Variants in ERICH1 observed in about 807,000 individuals in gnomAD.
ERICH1 encodes glutamate-rich protein 1.
A neutral mutation model predicts 39.6 loss-of-function variants in ERICH1; 56 were observed. The observed-to-expected ratio is 1.41, with a 90% confidence interval of 1.14 to 1.77. ERICH1 has a LOEUF of 1.77. Among genes scored for constraint, ERICH1 ranks in the 40% most tolerant of loss-of-function variants. The probability of loss-of-function intolerance (pLI) is 0.00; values close to 1 mark genes in which losing one functional copy is unlikely to be tolerated. For synonymous variants in ERICH1, 313 were observed against 223.6 expected (o/e 1.40, Z -3.57); for missense variants, 826 against 575.4 (o/e 1.44, Z -4.45).
chr8:640,759 C>T (rs946585904), intron 3 of ERICH1: 3 of 152,186 alleles, frequency 2.0e-5, no homozygotes, highest in Non-Finnish European at 4.4e-5. Context: ...GGGGATGGAC[C>T]TGGAATACTT....
At chr8:678,189 G>A (rs913452602) in intron 3 of ERICH1, among the ~76,000 whole-genome samples, 7 of 151,814 alleles carry the variant, frequency 4.6e-5, no homozygotes, top group African/African-American at 1.7e-4. Flanking sequence ...TTCTCAGGAT[G>A]CTCCCTGCAG....
At chr8:681,705 G>A (rs1007140283) in intron 3 of ERICH1, among the ~76,000 whole-genome samples, 25 of 152,256 alleles carry the variant, frequency 1.6e-4, no homozygotes, top group African/African-American at 6.0e-4. Context: ...GTGCTGTTAG[G>A]TTTCCTGCCA....
chr8:718,530 CTT>C (rs374353712), intron 1 of ERICH1, among the ~76,000 whole-genome samples: 236 of 152,282 alleles, frequency 1.5e-3, no homozygotes, highest in African/African-American at 5.5e-3. Context: ...CATTTCGAAT[CTT>C]TATAAAAATT....
chr8:711,458 T>C (rs1306727885), intron 2 of ERICH1, among the ~76,000 whole-genome samples: 2 of 152,144 alleles, frequency 1.3e-5, no homozygotes, highest in African/African-American at 2.4e-5. Context: ...CAAGTAATCT[T>C]CTAACCGTTT....
downstream of ERICH1, among the ~76,000 whole-genome samples, chr8:660,758 C>A (rs1157644315): frequency 1.3e-5 from 2 of 152,214 alleles, no homozygotes; most frequent in Admixed American, 6.5e-5. Flanking sequence ...TGGGACACAG[C>A]CTGCCTGGGC....
chr8:708,193 G>A (rs1813739471), intron 2 of ERICH1, among the ~76,000 whole-genome samples: 1 of 152,192 alleles, frequency 6.6e-6, no homozygotes, highest in African/African-American at 2.4e-5. Flanking sequence ...TGGTGGACAT[G>A]TAATATGGTT....
intron 3 of ERICH1, chr8:616,272 C>A: frequency 3.3e-6 from 1 of 300,646 alleles, no homozygotes; most frequent in South Asian, 2.8e-5. Context: ...ATCTTTGTAA[C>A]GTTGCATTTT....
chr8:711,501 CT>C (rs1353584492), intron 2 of ERICH1, among the ~76,000 whole-genome samples: 1,814 of 141,996 alleles, frequency 0.013, 18 homozygotes, highest in African/African-American at 0.035. Flanking sequence ...GGTGTAAGAT[CT>C]TTTTTTTTTT....
At chr8:681,954 C>T (rs967833598) in intron 3 of ERICH1, among the ~76,000 whole-genome samples, 2 of 152,242 alleles carry the variant, frequency 1.3e-5, no homozygotes, top group African/African-American at 2.4e-5. Context: ...CCCTGTCTGC[C>T]TTCATTAAGA....
At chr8:631,556 G>A (rs1304756475) in intron 3 of ERICH1, among the ~76,000 whole-genome samples, 1 of 152,190 alleles carries the variant, frequency 6.6e-6, no homozygotes. Flanking sequence ...GGTGTGTCCT[G>A]AGAATTTCGG....
intron 2 of ERICH1, among the ~76,000 whole-genome samples, chr8:697,175 C>T (rs1810513118): frequency 6.6e-6 from 1 of 152,186 alleles, no homozygotes; most frequent in Admixed American, 6.5e-5. Context: ...AGCGAACTCT[C>T]GTGGCCTCTT....
chr8:705,105 TGTGAA>T (rs1191468597), intron 2 of ERICH1, among the ~76,000 whole-genome samples: 28 of 152,370 alleles, frequency 1.8e-4, no homozygotes, highest in African/African-American at 6.3e-4. Context: ...AAACAGATCG[TGTGAA>T]GTGAACAAAT....
chr8:616,725 G>A (rs1436529676), intron 3 of ERICH1: 1 of 395,038 alleles, frequency 2.5e-6, no homozygotes, highest in African/African-American at 2.2e-5. Flanking sequence ...GACACTCAGA[G>A]AGATAGGGAA....
chr8:708,748 C>T (rs908214324), intron 2 of ERICH1, among the ~76,000 whole-genome samples: 1 of 126,154 alleles, frequency 7.9e-6, no homozygotes, highest in Non-Finnish European at 1.6e-5. Flanking sequence ...GGCTGGAGTG[C>T]AGTGGCACAG....
chr8:614,982 C>T (rs1401763986), exon 4 of ERICH1: 2 of 389,764 alleles, frequency 5.1e-6, no homozygotes, highest in Non-Finnish European at 9.1e-6. Flanking sequence ...AGGCTCACCT[C>T]AGCCAGTCAA....
chr8:637,766 G>T (rs1798556129), intron 3 of ERICH1, among the ~76,000 whole-genome samples: 1 of 152,248 alleles, frequency 6.6e-6, no homozygotes, highest in African/African-American at 2.4e-5. Flanking sequence ...AGCCACGGCT[G>T]CTCAGTTGGG....
In ERICH1 at chr8:726,669, A is replaced by T. The variant is rs535858430; in HGVS notation, c.22+4471T>A. Among the ~76,000 whole-genome samples, 575 of 151,056 alleles carry T rather than the reference A, an allele frequency of 3.8e-3. 4 individuals carry two copies. Among genetic ancestry groups the T allele is most frequent in the African/African-American group, 0.013 (541 of 40,614 alleles). ...ACATGTACACAAGTGCCACACACAG[A>T]CGTGTACACAGGCACATCATACACA... is the stretch of plus-strand genomic sequence containing the variant. On this transcript the variant is annotated intron_variant, in intron 1 of 5. Coordinates refer to ENST00000262109, the MANE Select transcript of ERICH1 (RefSeq NM_207332.3).
intron 2 of ERICH1, among the ~76,000 whole-genome samples, chr8:694,419 C>G (rs1040790985): frequency 6.6e-6 from 1 of 152,304 alleles, no homozygotes; most frequent in South Asian, 2.1e-4. Context: ...TTAAACAGAA[C>G]TTAGAAATGT....
chr8:677,149 G>T (rs1005808018), intron 3 of ERICH1, among the ~76,000 whole-genome samples: 1 of 152,218 alleles, frequency 6.6e-6, no homozygotes, highest in African/African-American at 2.4e-5. Context: ...TGCGGACACC[G>T]CAAGCTGTGA....
Sources: gnomAD v4.1 joint callset for allele counts (sites outside exome capture counted in the v4.1 genomes callset) on GRCh38, gnomAD v4.1.1 for gene constraint, MANE v1.5 for transcripts, NCBI Gene and HGNC (gene_info 2026-07-23, HGNC 2026-07-21) for gene names.